Variants in ARHGEF7 observed in about 807,000 individuals in gnomAD.
The protein encoded by ARHGEF7 is Rho guanine nucleotide exchange factor 7, also known as PAK-interacting exchange factor beta.
A neutral mutation model predicts 109.8 loss-of-function variants in ARHGEF7; 33 were observed. The observed-to-expected ratio is 0.30, with a 90% CI of 0.23 to 0.40. The LOEUF (loss-of-function observed/expected upper bound fraction) is 0.40, where lower values mean the gene tolerates loss of function less well. Ranked by LOEUF, ARHGEF7 falls within the 10% of genes least tolerant of loss-of-function variation. The pLI is 1.00. For synonymous variants in ARHGEF7, 458 were observed against 424.6 expected (o/e 1.08, Z -0.97); for missense variants, 938 against 1,098.5 (o/e 0.85, Z 2.07).
At chr13:111,134,430 T>G (rs1242872678) in intron 1 of ARHGEF7, among the ~76,000 whole-genome samples, 1 of 152,238 alleles carries the variant, frequency 6.6e-6, no homozygotes, top group African/African-American at 2.4e-5. Context: ...GTGTTCCTAT[T>G]TCTCCACATC....
chr13:111,292,460 C>T (rs2093319215), intron 19 of ARHGEF7, 166 bp downstream of exon 19: 1 of 1,445,176 alleles, frequency 6.9e-7, no homozygotes, highest in Non-Finnish European at 9.1e-7. Flanking sequence ...CCTGATATTT[C>T]CCATTGTACT....
chr13:111,263,331 G>C (rs12430275), intron 8 of ARHGEF7, among the ~76,000 whole-genome samples: 1 of 152,240 alleles, frequency 6.6e-6, no homozygotes, highest in African/African-American at 2.4e-5. Context: ...CCTAGGCTCA[G>C]TGCGGTGAAT....
chr13:111,283,752 G>C (rs1308895695), intron 16 of ARHGEF7, among the ~76,000 whole-genome samples: 1 of 152,150 alleles, frequency 6.6e-6, no homozygotes, highest in East Asian at 1.9e-4. Flanking sequence ...CTAGGTTGGG[G>C]ATCCTGTCCA....
intron 1 of ARHGEF7, among the ~76,000 whole-genome samples, chr13:111,120,532 T>C (rs945190092): frequency 3.9e-5 from 6 of 152,010 alleles, no homozygotes; most frequent in African/African-American, 1.5e-4. Flanking sequence ...CACAGACACG[T>C]CTGACGGGGG....
chr13:111,159,035 T>A, intron 2 of ARHGEF7: 1 of 718,554 alleles, frequency 1.4e-6, no homozygotes, highest in South Asian at 1.5e-5. Flanking sequence ...AGCTCCTGTT[T>A]CCTCCTTCCC....
Position 111,274,477 on chromosome 13 carries a change from A to G in ARHGEF7, c.1213-254A>G, listed in dbSNP as rs1331548715. ...GTATGTGAGCCGTGGCAGTGTTCCA[A>G]TAAGACTTTATTGATGAAGCAAGTG... On this transcript the variant is annotated intron_variant, in intron 10 of 21. Transcript: ENST00000646102. 4.6e-5 allele frequency among the ~76,000 whole-genome samples: 7 copies of G among 152,322 alleles called. No homozygotes were observed. The South Asian group carries it at 1.0e-3, about 23-fold the overall frequency.
In ARHGEF7 at chr13:111,211,632, G is replaced by A. The variant is rs570468018; in HGVS notation, c.468+1630G>A. On this transcript the variant is annotated intron_variant, in intron 4 of 21. Transcript: ENST00000646102. ...GGTGCTAGAGAGCTGCTTTCTCTTT[G>A]ATGGAATGTGCAAGACCTCTCTCAG... Among the ~76,000 whole-genome samples the A allele has an allele frequency of 7.2e-5, 11 of 152,296 alleles. No homozygotes were observed. In the South Asian group the frequency reaches 2.3e-3, roughly 32 times the overall value.
intron 6 of ARHGEF7, among the ~76,000 whole-genome samples, chr13:111,236,179 T>G (rs2086795821): frequency 1.3e-5 from 2 of 152,214 alleles, no homozygotes; most frequent in Admixed American, 1.3e-4. Flanking sequence ...ACTCCTGTGG[T>G]GCAATTAGTC....
At chr13:111,293,067 T>C (rs2093338834) in intron 19 of ARHGEF7, 2 of 985,358 alleles carry the variant, frequency 2.0e-6, no homozygotes, top group Admixed American at 6.1e-5. Context: ...CTTCCCTGAA[T>C]TGCAGTGATT....
At chr13:111,191,375 T>C (rs1252650561) in intron 2 of ARHGEF7, among the ~76,000 whole-genome samples, 2 of 152,190 alleles carry the variant, frequency 1.3e-5, no homozygotes, top group African/African-American at 4.8e-5. Context: ...GTGTATGCGC[T>C]TTTCATTGCT....
At chr13:111,153,822 G>T in intron 1 of ARHGEF7, 83 bp from the exon 2 acceptor site, 1 of 1,513,460 alleles carries the variant, frequency 6.6e-7, no homozygotes, top group East Asian at 2.8e-5. Flanking sequence ...TGTTGGGAGC[G>T]CGGGCCGTGG....
chr13:111,163,311 C>G (rs2076886695), intron 2 of ARHGEF7, among the ~76,000 whole-genome samples: 1 of 152,282 alleles, frequency 6.6e-6, no homozygotes, highest in Non-Finnish European at 1.5e-5. Context: ...GGCCCTCTGT[C>G]TTGTACCTTA....
chr13:111,268,646 G>A (rs144633796), intron 9 of ARHGEF7, among the ~76,000 whole-genome samples: 89 of 152,292 alleles, frequency 5.8e-4, no homozygotes, highest in African/African-American at 2.0e-3. Context: ...TGGCAGCAGG[G>A]TGGACTCGGC....
Position 111,265,512 on chromosome 13 carries a change from G to C in ARHGEF7, c.951-2036G>C, listed in dbSNP as rs1057359256. 18 of 455,764 alleles carry C rather than the reference G, an allele frequency of 3.9e-5. 1 individual carries two copies. Among genetic ancestry groups the C allele is most frequent in the Non-Finnish European group, 2.6e-5 (6 of 226,624 alleles). 28.2% of individuals were successfully genotyped at this position (455,764 alleles called of 1,614,324 possible). On this transcript the variant is annotated intron_variant, in intron 8 of 21. Coordinates refer to ENST00000646102, the MANE Select transcript of ARHGEF7 (RefSeq NM_001354046.2). ...GTACTTAGCCGCGGAGCGGAAAGCA[G>C]TGCTCATGAAGGTGGAGGCACACCC...
At chr13:111,114,622 C>A, upstream of ARHGEF7, 1 of 152,720 alleles carries the variant, frequency 6.5e-6, no homozygotes, top group South Asian at 2.0e-4. Flanking sequence ...TCGGCGTCCC[C>A]GAGACGCAGC....
At chr13:111,249,916 A>G (rs1163863611) in intron 8 of ARHGEF7, among the ~76,000 whole-genome samples, 1 of 152,196 alleles carries the variant, frequency 6.6e-6, no homozygotes, top group Non-Finnish European at 1.5e-5. Context: ...CCCAAGCTTC[A>G]CTTTCCCACT....
At chr13:111,221,163 A>C (rs1402578787) in intron 5 of ARHGEF7, among the ~76,000 whole-genome samples, 1 of 90,282 alleles carries the variant, frequency 1.1e-5, no homozygotes, top group Admixed American at 1.4e-4. Flanking sequence ...ATATATGTCT[A>C]TATATATCTA....
At chr13:111,251,424 G>A (rs892097932) in intron 8 of ARHGEF7, among the ~76,000 whole-genome samples, 1 of 152,110 alleles carries the variant, frequency 6.6e-6, no homozygotes, top group Non-Finnish European at 1.5e-5. Flanking sequence ...GTTGGAAGCC[G>A]CTGATGGATT....
At chr13:111,210,057 A>AT in intron 4 of ARHGEF7, 55 bp downstream of exon 4, 1 of 1,608,864 alleles carries the variant, frequency 6.2e-7, no homozygotes, top group South Asian at 1.1e-5. Context: ...ATGAGTGTGT[A>AT]TGGATATATC....
Sources: allele counts gnomAD v4.1 joint callset (sites outside exome capture counted in the v4.1 genomes callset), GRCh38; gene constraint gnomAD v4.1.1; transcripts MANE v1.5; gene names NCBI Gene and HGNC (gene_info 2026-07-23, HGNC 2026-07-21).